The following SRC variants were observed in gnomAD, a reference collection of about 807,000 sequenced individuals.
SRC encodes SRC proto-oncogene, non-receptor tyrosine kinase.
Under a neutral mutation model 62.9 loss-of-function variants are expected in SRC, and 13 were observed. The ratio of observed to expected loss-of-function variants is 0.21; its 90% CI spans 0.13 to 0.33. The LOEUF is 0.33. Among genes scored for constraint, SRC ranks in the 10% least tolerant of loss-of-function variants. SRC has a pLI of 1.00. For synonymous variants in SRC, 302 were observed against 317.5 expected, an observed-to-expected ratio of 0.95 and a Z score of 0.52; for missense variants, 457 against 737.3, an observed-to-expected ratio of 0.62 and a Z score of 4.40.
intron 1 of SRC, among the ~76,000 whole-genome samples, chr20:37,357,203 T>A (rs1033198734): frequency 1.3e-5 from 2 of 152,184 alleles, no homozygotes; most frequent in African/African-American, 2.4e-5. Flanking sequence ...TTGCCCCTTC[T>A]CTTCACTCAG....
In SRC at chr20:37,393,701, T is replaced by C. The variant is rs893489218; in HGVS notation, c.351-194T>C. The C allele has an allele frequency of 1.1e-5, 6 of 566,558 alleles. No individual in the cohort carries two copies. In the Admixed American group the frequency reaches 1.2e-4, roughly 11 times the overall value. The allele number at this position is 566,558 out of a possible 1,614,324, so 35.1% of individuals were successfully genotyped here. On this transcript the variant is annotated intron_variant, in intron 5 of 13. Transcript: ENST00000373578. ...CTGATCCAGCTTTGGCAAAAAGGCG[T>C]CTGCGCCAGGGAGGGGAGGAGTTCC...
At chr20:37,389,608 C>T (rs1216188844) in intron 5 of SRC, among the ~76,000 whole-genome samples, 1 of 152,158 alleles carries the variant, frequency 6.6e-6, no homozygotes, top group African/African-American at 2.4e-5. Flanking sequence ...CGGCCATCCC[C>T]AGAGTGCCCT....
chr20:37,367,836 G>T (rs1458458427), intron 2 of SRC, among the ~76,000 whole-genome samples: 1 of 151,694 alleles, frequency 6.6e-6, no homozygotes, highest in Non-Finnish European at 1.5e-5. Flanking sequence ...TTTTAGTAGG[G>T]GTCTCACTAT....
In SRC at chr20:37,398,180, C is replaced by T. The variant is rs1381050842; in HGVS notation, c.859+326C>T. On this transcript the variant is annotated intron_variant, in intron 9 of 13. Coordinates refer to ENST00000373578, the MANE Select transcript of SRC (RefSeq NM_198291.3). This position sits in a 1 kb window ranked among gnomAD's most constrained non-coding sequence, Gnocchi z 5.2. ...TGAATGGGGCTGGTGACAGTGGGAC[C>T]TATGGGAGACTGTGGAGACCCTGAC... is the stretch of plus-strand genomic sequence containing the variant. Among the ~76,000 whole-genome samples, 1 of 152,192 alleles carries T rather than the reference C, an allele frequency of 6.6e-6. No homozygotes were observed. The highest frequency in any genetic ancestry group is 1.5e-5 in the Non-Finnish European group (1 of 68,032).
chr20:37,359,249 C>T (rs1428726499), intron 1 of SRC, among the ~76,000 whole-genome samples: 2 of 152,254 alleles, frequency 1.3e-5, no homozygotes, highest in African/African-American at 2.4e-5. Flanking sequence ...GTCTATCCAT[C>T]CCACAAATAT....
Position 37,405,834 on chromosome 20 carries a change from T to G in SRC, c.*2455T>G, listed in dbSNP as rs939613488. The G allele has an allele frequency of 1.3e-5, 2 of 152,182 alleles. No homozygotes were observed. Among genetic ancestry groups the G allele is most frequent in the African/African-American group, 2.4e-5 (1 of 41,414 alleles). 9.4% of individuals were successfully genotyped at this position (152,182 alleles called of 1,614,324 possible). ...GTGCAGGGCAGGGGTGCTGGGTCGA[T>G]CCACAAAAGTCCTGAAAACGCTGAA... On this transcript the variant is annotated 3_prime_UTR_variant, in exon 14 of 14. Transcript: ENST00000373578.
chr20:37,403,609 C>A lies in SRC; in HGVS notation c.*230C>A. Reference sequence around the variant, plus strand: ...GCACGGTGACTCTGTCCAGCTCCCGCTGTGGCCGCACGCCTCTCCCTGCAC... The same window carrying A: ...GCACGGTGACTCTGTCCAGCTCCCGATGTGGCCGCACGCCTCTCCCTGCAC... On this transcript the variant is annotated 3_prime_UTR_variant, in exon 14 of 14. Coordinates refer to ENST00000373578, the MANE Select transcript of SRC (RefSeq NM_198291.3). The surrounding 1 kb of genome is among the most constrained non-coding windows in gnomAD (Gnocchi z 7.1). The A allele has an allele frequency of 1.7e-6, 1 of 573,564 alleles. No homozygotes were observed. The highest frequency in any genetic ancestry group is 3.1e-6 in the Non-Finnish European group (1 of 321,300). 35.5% of individuals were successfully genotyped at this position (573,564 alleles called of 1,614,324 possible). A position where few individuals can be genotyped will look rare whatever the true frequency, so the allele number is the denominator to read the frequency against.
chr20:37,395,919 G>A (rs776682142), intron 7 of SRC, among the ~76,000 whole-genome samples: 4 of 152,242 alleles, frequency 2.6e-5, no homozygotes, highest in Non-Finnish European at 5.9e-5. Context: ...TGTGCACCTG[G>A]GATATGGAGG....
At chr20:37,392,397 G>T (rs983733212) in intron 5 of SRC, among the ~76,000 whole-genome samples, 2 of 152,212 alleles carry the variant, frequency 1.3e-5, no homozygotes, top group African/African-American at 4.8e-5. Flanking sequence ...ATATGGCCAG[G>T]GGCAGCTCAG....
chr20:37,392,139 A>G (rs549027522), intron 5 of SRC, among the ~76,000 whole-genome samples: 1 of 152,078 alleles, frequency 6.6e-6, no homozygotes, highest in South Asian at 2.1e-4. Flanking sequence ...GTGACCCCAT[A>G]TGGCTTGCCC....
intron 9 of SRC, among the ~76,000 whole-genome samples, chr20:37,399,812 C>T (rs1212133897): frequency 6.6e-6 from 1 of 152,208 alleles, no homozygotes; most frequent in African/African-American, 2.4e-5. Flanking sequence ...CCCTAAAGTG[C>T]TGGGATTACA....
chr20:37,389,333 G>A (rs766096807), intron 5 of SRC, among the ~76,000 whole-genome samples: 7 of 152,134 alleles, frequency 4.6e-5, no homozygotes, highest in Non-Finnish European at 1.0e-4. Context: ...GCTTCTTTTG[G>A]GAGTTTTCTG....
At chr20:37,350,862 C>T (rs1002085951) in intron 1 of SRC, among the ~76,000 whole-genome samples, 2 of 151,922 alleles carry the variant, frequency 1.3e-5, no homozygotes, top group Non-Finnish European at 2.9e-5. Context: ...TCATGTCTGC[C>T]ATGGGCACAG....
intron 1 of SRC, among the ~76,000 whole-genome samples, chr20:37,347,518 G>GGCT (rs1465015822): frequency 1.3e-5 from 2 of 152,232 alleles, no homozygotes; most frequent in East Asian, 3.9e-4. Context: ...TGGACACATT[G>GGCT]GCTGAGAAAG....
intron 2 of SRC, among the ~76,000 whole-genome samples, chr20:37,380,340 T>G (rs1243158341): frequency 2.0e-5 from 3 of 152,086 alleles, no homozygotes; most frequent in Non-Finnish European, 4.4e-5. Context: ...TGGTGGCCCC[T>G]TTTCACTCTC....
rs376326403 is a variant in SRC, at chr20:37,364,083, G to GTA, written c.-246-1120_-246-1119dup. 6.2e-3 allele frequency among the ~76,000 whole-genome samples: 939 copies of GTA among 152,110 alleles called. 4 individuals carry two copies. Among genetic ancestry groups the GTA allele is most frequent in the Middle Eastern group, 0.02 (6 of 294 alleles). ...CTCCCACCTCTCCCCTGCCATTGGG[G>GTA]TACTGTTATCAGGAGGCATTCCAGG... On this transcript the variant is annotated intron_variant, in intron 1 of 13. Coordinates refer to ENST00000373578, the MANE Select transcript of SRC (RefSeq NM_198291.3).
chr20:37,363,744 G>T (rs183285968), intron 1 of SRC, among the ~76,000 whole-genome samples: 396 of 152,302 alleles, frequency 2.6e-3, no homozygotes, highest in African/African-American at 9.2e-3. Flanking sequence ...AGGAGCCCAG[G>T]CTCCTTCCTT....
intron 5 of SRC, among the ~76,000 whole-genome samples, chr20:37,391,043 G>A (rs1175757154): frequency 6.6e-6 from 1 of 152,216 alleles, no homozygotes; most frequent in Non-Finnish European, 1.5e-5. Flanking sequence ...GCTGAAGTCG[G>A]GTAGCATCGG....
Position 37,396,785 on chromosome 20 carries a change from G to C in SRC, c.703+474G>C. The C allele has an allele frequency of 5.3e-6, 1 of 187,932 alleles. No individual in the cohort carries two copies. The highest frequency in any genetic ancestry group is 1.1e-5 in the Non-Finnish European group (1 of 89,672). The allele number at this position is 187,932 out of a possible 1,614,324, so 11.6% of individuals were successfully genotyped here. ...GGGCTTGCGTGCTGGGTGAGGGCTCGGGCGTGGGCGCAGTGCTGTAGCCCA... is the reference window on the plus strand; with the variant it reads ...GGGCTTGCGTGCTGGGTGAGGGCTCCGGCGTGGGCGCAGTGCTGTAGCCCA... On this transcript the variant is annotated intron_variant, in intron 8 of 13. Transcript: ENST00000373578. This position sits in a 1 kb window ranked among gnomAD's most constrained non-coding sequence, Gnocchi z 6.1.
Sources: allele counts gnomAD v4.1 joint callset (sites outside exome capture counted in the v4.1 genomes callset), GRCh38; gene constraint gnomAD v4.1.1; non-coding constraint Gnocchi (gnomAD v3.1); transcripts MANE v1.5; gene names NCBI Gene and HGNC (gene_info 2026-07-23, HGNC 2026-07-21).